Variants in DOCK1 observed in about 807,000 individuals in gnomAD.
The protein encoded by DOCK1 is dedicator of cytokinesis protein 1.
A neutral mutation model predicts 262.7 loss-of-function variants in DOCK1; 138 were observed. The observed-to-expected ratio is 0.53, with a 90% CI of 0.46 to 0.61. DOCK1 has a LOEUF of 0.61. Among genes scored for constraint, DOCK1 ranks in the 20% least tolerant of loss-of-function variants. The pLI is 0.00. For missense variants in DOCK1, 1,908 were observed against 2,370.7 expected, an observed-to-expected ratio of 0.80 and a Z score of 4.05; for synonymous variants, 866 against 867.4, an observed-to-expected ratio of 1.00 and a Z score of 0.03.
intron 27 of DOCK1, among the ~76,000 whole-genome samples, chr10:127,141,688 A>C (rs546173485): frequency 6.6e-6 from 1 of 152,246 alleles, no homozygotes; most frequent in South Asian, 2.1e-4. Context: ...AAAAAAAAAA[A>C]AAAGCAAATT....
At chr10:127,217,887 A>G (rs554914989) in intron 27 of DOCK1, among the ~76,000 whole-genome samples, 41 of 152,284 alleles carry the variant, frequency 2.7e-4, no homozygotes, top group African/African-American at 9.9e-4. Context: ...TTAAAGGGCC[A>G]GTTTTATTTT....
intron 22 of DOCK1, among the ~76,000 whole-genome samples, chr10:127,056,888 G>A (rs887379192): frequency 4.6e-5 from 7 of 152,112 alleles, no homozygotes; most frequent in African/African-American, 1.7e-4. Flanking sequence ...TAGATTTTAT[G>A]AGAGGAAAAA....
Position 127,437,478 on chromosome 10 carries a change from C to CTTTTT in DOCK1, c.5061-1532_5061-1528dup, listed in dbSNP as rs5788842. Among the ~76,000 whole-genome samples, 1 of 145,914 alleles carries CTTTTT rather than the reference C, an allele frequency of 6.9e-6. No homozygotes were observed. The highest frequency in any genetic ancestry group is 1.5e-5 in the Non-Finnish European group (1 of 65,784). On this transcript the variant is annotated intron_variant, in intron 48 of 51. Transcript: ENST00000623213. This position sits in a 1 kb window ranked among gnomAD's most constrained non-coding sequence, Gnocchi z 4.4. ...GGAGCAAGATTGCTGCAATGACCAT[C>CTTTTT]TTTTTTTTTTTTTTTTTTTTTGAGA... is the stretch of plus-strand genomic sequence containing the variant.
chr10:127,315,313 A>G (rs924906039), intron 29 of DOCK1, among the ~76,000 whole-genome samples: 2 of 152,168 alleles, frequency 1.3e-5, no homozygotes, highest in Non-Finnish European at 2.9e-5. Flanking sequence ...TTAGAATGTG[A>G]CTGTATTTGC....
chr10:127,241,533 A>C (rs899337410), intron 27 of DOCK1, among the ~76,000 whole-genome samples: 2 of 152,062 alleles, frequency 1.3e-5, no homozygotes, highest in Admixed American at 6.6e-5. Flanking sequence ...GCTTTCCTGC[A>C]TGGCAAGCCT....
At chr10:127,017,593 TCACA>T (rs751089095) in intron 12 of DOCK1, among the ~76,000 whole-genome samples, 24 of 151,362 alleles carry the variant, frequency 1.6e-4, no homozygotes, top group Non-Finnish European at 3.2e-4. Context: ...ACACAGTGAC[TCACA>T]CAGACATACG....
chr10:127,138,018 A>G, intron 27 of DOCK1: 1 of 1,606,168 alleles, frequency 6.2e-7, no homozygotes, highest in Non-Finnish European at 8.5e-7. Flanking sequence ...ATCCAGCTCC[A>G]CACTAGAAAA....
intron 27 of DOCK1, among the ~76,000 whole-genome samples, chr10:127,186,162 A>AG (rs2056213914): frequency 6.6e-6 from 1 of 152,184 alleles, no homozygotes; most frequent in Non-Finnish European, 1.5e-5. Context: ...CCAGGGTTCT[A>AG]GTGACTTCCA....
At chr10:127,399,151 T>G (rs535734113) in intron 38 of DOCK1, among the ~76,000 whole-genome samples, 2 of 152,242 alleles carry the variant, frequency 1.3e-5, no homozygotes, top group East Asian at 3.9e-4. Context: ...ATTTCAAGAA[T>G]GCCGTAAATT....
intron 27 of DOCK1, chr10:127,153,909 G>A (rs145407370): frequency 1.5e-5 from 25 of 1,613,602 alleles, no homozygotes; most frequent in Admixed American, 5.0e-5. Flanking sequence ...GTCTTGCCCC[G>A]TCCGATATGA....
chr10:127,030,090 A>C (rs2135515415), intron 16 of DOCK1, among the ~76,000 whole-genome samples: 1 of 152,304 alleles, frequency 6.6e-6, no homozygotes, highest in South Asian at 2.1e-4. Flanking sequence ...ACAACCAGGA[A>C]GGCAAAGGTG....
chr10:127,093,242 C>CTTTTTTTT (rs200302331), intron 23 of DOCK1, among the ~76,000 whole-genome samples: 37 of 79,300 alleles, frequency 4.7e-4, no homozygotes, highest in East Asian at 9.8e-4. Context: ...TTTCTTTCTT[C>CTTTTTTTT]TTTTTTTTTT....
chr10:126,952,857 G>A (rs1222237510), intron 1 of DOCK1, among the ~76,000 whole-genome samples: 2 of 151,994 alleles, frequency 1.3e-5, no homozygotes, highest in South Asian at 2.1e-4. Flanking sequence ...AGTATTGTTG[G>A]TGATGTGGTA....
intron 1 of DOCK1, among the ~76,000 whole-genome samples, chr10:126,912,302 C>T (rs1386312885): frequency 2.6e-5 from 4 of 151,914 alleles, no homozygotes; most frequent in Non-Finnish European, 4.4e-5. Flanking sequence ...TGGTGGCGGG[C>T]GCCTGTAATC....
intron 5 of DOCK1, 55 bp from the exon 6 acceptor site, chr10:126,990,400 C>T: frequency 6.6e-7 from 1 of 1,524,120 alleles, no homozygotes; most frequent in Non-Finnish European, 8.9e-7. Flanking sequence ...TCTCTACCAT[C>T]TCCACAATGC....
intron 33 of DOCK1, among the ~76,000 whole-genome samples, chr10:127,372,661 A>T (rs1339926991): frequency 2.0e-5 from 3 of 152,162 alleles, no homozygotes; most frequent in Non-Finnish European, 4.4e-5. Context: ...CTTAAATTCC[A>T]CTGGGATCCT....
intron 46 of DOCK1, among the ~76,000 whole-genome samples, chr10:127,425,160 A>G (rs1305292148): frequency 6.6e-6 from 1 of 152,176 alleles, no homozygotes; most frequent in Non-Finnish European, 1.5e-5. Flanking sequence ...GATTACATGG[A>G]AGAATGTCTA....
At chr10:127,334,168 T>C (rs2063101050) in intron 29 of DOCK1, among the ~76,000 whole-genome samples, 1 of 152,298 alleles carries the variant, frequency 6.6e-6, no homozygotes, top group East Asian at 1.9e-4. Context: ...CCTCACATAC[T>C]TCTCATTTCT....
At chr10:127,270,459 A>G (rs1299496495) in intron 29 of DOCK1, among the ~76,000 whole-genome samples, 1 of 152,164 alleles carries the variant, frequency 6.6e-6, no homozygotes, top group Non-Finnish European at 1.5e-5. Flanking sequence ...TTCGTGCTCC[A>G]CTGAATGAAT....
Sources: gnomAD v4.1 joint callset for allele counts (sites outside exome capture counted in the v4.1 genomes callset) on GRCh38, gnomAD v4.1.1 for gene constraint, Gnocchi (gnomAD v3.1) non-coding constraint, MANE v1.5 for transcripts, NCBI Gene and HGNC (gene_info 2026-07-23, HGNC 2026-07-21) for gene names.